The following DSCAM variants were observed in gnomAD, a reference collection of about 807,000 sequenced individuals.
The protein encoded by DSCAM is cell adhesion molecule DSCAM.
DSCAM carries 47 observed loss-of-function variants against 217.7 expected under a neutral mutation model. That is an observed-to-expected ratio of 0.22 (90% CI 0.17 to 0.28). The LOEUF (loss-of-function observed/expected upper bound fraction) is 0.28. DSCAM is among the 10% of genes least tolerant of loss of function. The pLI is 1.00. For missense variants in DSCAM, 2,080 were observed against 2,618.3 expected, an observed-to-expected ratio of 0.79 and a Z score of 4.49; for synonymous variants, 1,056 against 1,015.3, an observed-to-expected ratio of 1.04 and a Z score of -0.76.
At chr21:40,808,527 G>T (rs1426877726) in intron 1 of DSCAM, among the ~76,000 whole-genome samples, 3 of 147,186 alleles carry the variant, frequency 2.0e-5, no homozygotes, top group African/African-American at 7.5e-5. Context: ...AGGCTGCAGT[G>T]CAGTGGCATG....
At chr21:40,626,797 G>A (rs1377222889) in intron 3 of DSCAM, among the ~76,000 whole-genome samples, 5 of 152,180 alleles carry the variant, frequency 3.3e-5, no homozygotes, top group African/African-American at 1.2e-4. Flanking sequence ...TCACATAGTG[G>A]ATGGTAAGTA....
intron 3 of DSCAM, among the ~76,000 whole-genome samples, chr21:40,523,658 C>G (rs2076377387): frequency 6.6e-6 from 1 of 152,178 alleles, no homozygotes. Context: ...CAGGTGTGAT[C>G]TGATTCTTCT....
chr21:40,680,740 C>T (rs1224507167), intron 3 of DSCAM, among the ~76,000 whole-genome samples: 1 of 152,240 alleles, frequency 6.6e-6, no homozygotes, highest in Non-Finnish European at 1.5e-5. Flanking sequence ...TCTGTAAATA[C>T]TCTCATTACT....
At chr21:40,163,522 A>G (rs1366888530) in intron 16 of DSCAM, among the ~76,000 whole-genome samples, 1 of 152,158 alleles carries the variant, frequency 6.6e-6, no homozygotes, top group Non-Finnish European at 1.5e-5. Context: ...TAATTAGCTT[A>G]ATATTTGTAA....
intron 3 of DSCAM, among the ~76,000 whole-genome samples, chr21:40,498,382 A>T (rs2076136128): frequency 6.6e-6 from 1 of 151,892 alleles, no homozygotes. Context: ...AGCAATGCGT[A>T]TAAAAAACCA....
intron 3 of DSCAM, among the ~76,000 whole-genome samples, chr21:40,667,257 C>T (rs1227573370): frequency 5.3e-5 from 8 of 152,164 alleles, no homozygotes; most frequent in Non-Finnish European, 1.0e-4. Flanking sequence ...CCCTCCCCAC[C>T]TTCACCTACA....
At chr21:40,516,121 TACAC>T (rs10607888) in intron 3 of DSCAM, among the ~76,000 whole-genome samples, 3 of 150,580 alleles carry the variant, frequency 2.0e-5, no homozygotes, top group Non-Finnish European at 4.4e-5. Context: ...TCCCCCACCA[TACAC>T]ACACACACAC....
chr21:40,531,621 T>C (rs1453084867), intron 3 of DSCAM, among the ~76,000 whole-genome samples: 1 of 152,150 alleles, frequency 6.6e-6, no homozygotes, highest in Admixed American at 6.5e-5. Context: ...AACCCAGAGC[T>C]CTCAGCTCAG....
At chr21:40,356,103 G>A (rs914679152) in intron 4 of DSCAM, among the ~76,000 whole-genome samples, 33 of 152,016 alleles carry the variant, frequency 2.2e-4, no homozygotes, top group Admixed American at 2.2e-3. Context: ...CAATAAACAT[G>A]GGAGTGCAGA....
intron 3 of DSCAM, among the ~76,000 whole-genome samples, chr21:40,451,524 C>T (rs1189012627): frequency 6.6e-6 from 1 of 152,034 alleles, no homozygotes; most frequent in African/African-American, 2.4e-5. Flanking sequence ...GTGTGGGGCT[C>T]GTATCATGTC....
At chr21:40,765,825 A>C (rs906092951) in intron 1 of DSCAM, among the ~76,000 whole-genome samples, 1 of 152,200 alleles carries the variant, frequency 6.6e-6, no homozygotes, top group Non-Finnish European at 1.5e-5. Flanking sequence ...CAACAGCCGC[A>C]AAGGGTCTTA....
At chr21:40,241,377 A>C (rs904174320) in intron 11 of DSCAM, among the ~76,000 whole-genome samples, 1 of 152,256 alleles carries the variant, frequency 6.6e-6, no homozygotes, top group Non-Finnish European at 1.5e-5. Flanking sequence ...GCCAACAAAT[A>C]TATGAAAAAA....
At chr21:40,638,742 C>T (rs1325954341) in intron 3 of DSCAM, among the ~76,000 whole-genome samples, 1 of 152,126 alleles carries the variant, frequency 6.6e-6, no homozygotes, top group Non-Finnish European at 1.5e-5. Flanking sequence ...CCATTTTACT[C>T]GCGGCTAGAC....
At chr21:40,235,552 T>G (rs1038124046) in intron 11 of DSCAM, among the ~76,000 whole-genome samples, 2 of 151,980 alleles carry the variant, frequency 1.3e-5, no homozygotes, top group Non-Finnish European at 2.9e-5. Context: ...AAAACAGAAT[T>G]TAGTTCTCAA....
At chr21:40,724,149 ATATG>A (rs2090930740) in intron 1 of DSCAM, among the ~76,000 whole-genome samples, 1 of 152,202 alleles carries the variant, frequency 6.6e-6, no homozygotes, top group Non-Finnish European at 1.5e-5. Flanking sequence ...GTAATGAATA[ATATG>A]TATGTGGTTT....
chr21:40,048,585 T>A (rs1394468257), intron 30 of DSCAM, among the ~76,000 whole-genome samples: 1 of 152,228 alleles, frequency 6.6e-6, no homozygotes, highest in Admixed American at 6.5e-5. Context: ...ACTTCTACAA[T>A]GCAGTCATTC....
intron 3 of DSCAM, among the ~76,000 whole-genome samples, chr21:40,370,509 C>G (rs2074884740): frequency 6.6e-6 from 1 of 152,076 alleles, no homozygotes; most frequent in African/African-American, 2.4e-5. Flanking sequence ...GGAGTCTTAG[C>G]TTCATTGCTT....
At chr21:40,242,202 A>G (rs1277288459) in intron 11 of DSCAM, among the ~76,000 whole-genome samples, 1 of 151,954 alleles carries the variant, frequency 6.6e-6, no homozygotes, top group East Asian at 1.9e-4. Context: ...TGGACTCCTG[A>G]AGGAATGAAT....
chr21:40,292,605 A>C (rs2073906957), intron 10 of DSCAM, among the ~76,000 whole-genome samples: 2 of 152,172 alleles, frequency 1.3e-5, no homozygotes, highest in African/African-American at 4.8e-5. Flanking sequence ...GCAAATTGTC[A>C]ATACATATTG....
Sources: allele counts gnomAD v4.1 joint callset (sites outside exome capture counted in the v4.1 genomes callset), GRCh38; gene constraint gnomAD v4.1.1; transcripts MANE v1.5; gene names NCBI Gene and HGNC (gene_info 2026-07-23, HGNC 2026-07-21).